Variants in IPPK observed in about 807,000 individuals in gnomAD.
IPPK encodes IPK1 homolog.
IPPK carries 22 observed loss-of-function variants against 64.6 expected under a neutral mutation model. That is an observed-to-expected ratio of 0.34 (90% CI 0.24 to 0.49). IPPK has a LOEUF of 0.49. Among genes scored for constraint, IPPK ranks in the 20% least tolerant of loss-of-function variants. The pLI is 0.99. For synonymous variants in IPPK, 262 were observed against 247.2 expected (o/e 1.06, Z -0.56); for missense variants, 532 against 630.7 (o/e 0.84, Z 1.68).
intron 11 of IPPK, among the ~76,000 whole-genome samples, chr9:92,631,193 A>ATTTTT (rs61202690): frequency 7.6e-6 from 1 of 131,242 alleles, no homozygotes; most frequent in African/African-American, 2.8e-5. Context: ...ACACAGTTCA[A>ATTTTT]TTTTTTTTTT....
At chr9:92,636,656 TAA>T (rs11365246) in intron 9 of IPPK, among the ~76,000 whole-genome samples, 1 of 150,210 alleles carries the variant, frequency 6.7e-6, no homozygotes, top group Non-Finnish European at 1.5e-5. Context: ...ATAATTAATT[TAA>T]AAAAAAAACA....
Position 92,650,025 on chromosome 9 carries a change from CA to C in IPPK, c.293-452del, listed in dbSNP as rs976792024. 4.4e-3 allele frequency among the ~76,000 whole-genome samples: 302 copies of C among 68,714 alleles called. 1 individual carries two copies. Among genetic ancestry groups the C allele is most frequent in the Middle Eastern group, 0.016 (1 of 64 alleles). The allele number at this position is 68,714 out of a possible 152,430, so 45.1% of individuals were successfully genotyped here. On this transcript the variant is annotated intron_variant, in intron 4 of 12. Coordinates refer to ENST00000287996, the MANE Select transcript of IPPK (RefSeq NM_022755.6). ...TGGGCAACAGAGCAAGACTCTGTCT[CA>C]AAAAAAAAAAAAAAAAGGCGGGCAC...
intron 1 of IPPK, among the ~76,000 whole-genome samples, chr9:92,661,658 T>C (rs1852487243): frequency 2.6e-5 from 4 of 152,166 alleles, no homozygotes; most frequent in African/African-American, 9.7e-5. Context: ...CTGAATACAG[T>C]GATTTGTCCA....
chr9:92,634,748 A>C (rs1001787609), intron 10 of IPPK, among the ~76,000 whole-genome samples: 1 of 152,230 alleles, frequency 6.6e-6, no homozygotes, highest in Non-Finnish European at 1.5e-5. Flanking sequence ...AAGGAAGACC[A>C]GCGAGGAAGG....
chr9:92,668,509 A>C (rs1003796074), intron 1 of IPPK, among the ~76,000 whole-genome samples: 1 of 148,050 alleles, frequency 6.8e-6, no homozygotes, highest in Non-Finnish European at 1.5e-5. Context: ...TTGAAATTTA[A>C]TGTATCAGCC....
chr9:92,638,743 G>A (rs1851992551), intron 8 of IPPK, among the ~76,000 whole-genome samples: 1 of 152,268 alleles, frequency 6.6e-6, no homozygotes, highest in Admixed American at 6.5e-5. Flanking sequence ...CACGCCCAGG[G>A]TGACCCCAGT....
At chr9:92,654,913 C>T (rs1261037541) in intron 3 of IPPK, among the ~76,000 whole-genome samples, 1 of 152,256 alleles carries the variant, frequency 6.6e-6, no homozygotes, top group Non-Finnish European at 1.5e-5. Flanking sequence ...AGAGAGCGTC[C>T]AACCTCACCA....
Position 92,638,297 on chromosome 9 carries a change from GAA to G in IPPK, c.637-19_637-18del. 1 of 1,605,844 alleles carries G rather than the reference GAA, an allele frequency of 6.2e-7. No homozygotes were observed. The highest frequency in any genetic ancestry group is 8.5e-7 in the Non-Finnish European group (1 of 1,174,004). ...CTCACCATTCTTCAGACAGGGAAAA[GAA>G]AGAGGGAAACGTCAAACCACCAAGC... On this transcript the variant is annotated intron_variant, in intron 8 of 12. Coordinates refer to ENST00000287996, the MANE Select transcript of IPPK (RefSeq NM_022755.6).
intron 9 of IPPK, among the ~76,000 whole-genome samples, chr9:92,636,728 A>C (rs1851950376): frequency 6.6e-6 from 1 of 152,170 alleles, no homozygotes; most frequent in Non-Finnish European, 1.5e-5. Flanking sequence ...CAAGTTACAA[A>C]ATGACATGTA....
chr9:92,669,241 T>C lies in IPPK; in HGVS notation c.81+667A>G, dbSNP rs980385576. ...CAGACAGCAAAAGGTCAGAGAGATC[T>C]GGGCCCTCACAGAAACCCACACGCT... On this transcript the variant is annotated intron_variant, in intron 1 of 12. Transcript: ENST00000287996. Among the ~76,000 whole-genome samples the C allele has an allele frequency of 6.6e-5, 10 of 152,266 alleles. No homozygotes were observed. In the East Asian group the frequency reaches 1.9e-3, roughly 29 times the overall value.
At chr9:92,621,507 C>CTTTTTTTT (rs58003734) in intron 11 of IPPK, among the ~76,000 whole-genome samples, 15 of 87,808 alleles carry the variant, frequency 1.7e-4, no homozygotes, top group African/African-American at 3.0e-4. Flanking sequence ...AATACCATTC[C>CTTTTTTTT]TTTTTTTTTT....
chr9:92,662,735 A>G (rs1852511281), intron 1 of IPPK, among the ~76,000 whole-genome samples: 1 of 152,242 alleles, frequency 6.6e-6, no homozygotes, highest in Non-Finnish European at 1.5e-5. Flanking sequence ...AACAACAGGA[A>G]GAACAAGAGG....
intron 4 of IPPK, among the ~76,000 whole-genome samples, chr9:92,649,972 G>A (rs1374005350): frequency 6.7e-6 from 1 of 148,288 alleles, no homozygotes; most frequent in Admixed American, 6.8e-5. Context: ...GTTGTGGTGA[G>A]CCGAGATCGT....
At chr9:92,629,914 T>C (rs925513290) in intron 11 of IPPK, among the ~76,000 whole-genome samples, 9 of 151,826 alleles carry the variant, frequency 5.9e-5, no homozygotes, top group African/African-American at 1.9e-4. Context: ...GGGAAAAAAA[T>C]AAAGACAACT....
At chr9:92,631,193 A>ATT (rs61202690) in intron 11 of IPPK, among the ~76,000 whole-genome samples, 57 of 131,230 alleles carry the variant, frequency 4.3e-4, no homozygotes, top group East Asian at 5.4e-4. Flanking sequence ...ACACAGTTCA[A>ATT]TTTTTTTTTT....
chr9:92,650,880 G>C (rs988008696), intron 4 of IPPK, among the ~76,000 whole-genome samples: 5 of 152,030 alleles, frequency 3.3e-5, no homozygotes, highest in Non-Finnish European at 5.9e-5. Flanking sequence ...CCCGTGGTGT[G>C]GACAGAACCA....
intron 6 of IPPK, among the ~76,000 whole-genome samples, chr9:92,647,775 C>G (rs1022387732): frequency 1.3e-5 from 2 of 151,990 alleles, no homozygotes; most frequent in African/African-American, 4.8e-5. Flanking sequence ...GTGGCTCACA[C>G]CAGCACTTTG....
Position 92,616,027 on chromosome 9 carries a change from C to T in IPPK, c.1281G>A (p.Ser427=), listed in dbSNP as rs780415191. 1.2e-6 allele frequency: 2 copies of T among 1,614,042 alleles called. No homozygotes were observed. Among genetic ancestry groups the T allele is most frequent in the Non-Finnish European group, 1.7e-6 (2 of 1,179,974 alleles). Residue 427 remains serine, a synonymous_variant, in exon 13 of 13, where the codon TCG becomes TCA. Transcript: ENST00000287996. ...SSDQRPVVPS[S]RSRFAFSVSV... is the part of the protein sequence containing the mutation. Reference sequence around the variant, plus strand: ...ACACGGAAAAGGCAAACCTGGACCTCGATGAAGGGACGACAGGCCTTTGAT... The same window carrying T: ...ACACGGAAAAGGCAAACCTGGACCTTGATGAAGGGACGACAGGCCTTTGAT...
intron 1 of IPPK, among the ~76,000 whole-genome samples, chr9:92,666,036 G>A (rs982368076): frequency 2.0e-5 from 3 of 152,286 alleles, no homozygotes; most frequent in African/African-American, 7.2e-5. Context: ...GAAAGGTCAC[G>A]AAACTGGAAC....
Sources: allele counts gnomAD v4.1 joint callset (sites outside exome capture counted in the v4.1 genomes callset), GRCh38; gene constraint gnomAD v4.1.1; transcripts MANE v1.5; gene names NCBI Gene and HGNC (gene_info 2026-07-23, HGNC 2026-07-21).